LBHD2: variants seen among roughly 807,000 people sequenced by gnomAD.
The protein encoded by LBHD2 is LBH domain containing 2.
At position 103,089,975 on chromosome 14, in the gene LBHD2, C is replaced by A. The variant is rs1344967812; in HGVS notation, c.*178C>A. On this transcript the variant is annotated 3_prime_UTR_variant, in exon 4 of 4. Coordinates refer to ENST00000634353, the MANE Select transcript of LBHD2 (RefSeq NM_001330236.2). ...TTCTGCCCATGGCCCAGGTCTGGAT[C>A]ACACCCCGCTTTGTTCCGTGGTTTG... The A allele has an allele frequency of 2.3e-5, 9 of 396,682 alleles. No homozygotes were observed. Among genetic ancestry groups the A allele is most frequent in the Non-Finnish European group, 3.5e-5 (8 of 225,418 alleles). 24.6% of individuals were successfully genotyped at this position (396,682 alleles called of 1,614,324 possible).
chr14:103,087,695 C>T (rs1449779192), intron 2 of LBHD2, among the ~76,000 whole-genome samples: 1 of 152,188 alleles, frequency 6.6e-6, no homozygotes, highest in African/African-American at 2.4e-5. Flanking sequence ...CAGGGAAGAC[C>T]CCAGGAAGGG....
Position 103,089,744 on chromosome 14 carries a change from G to T in LBHD2, c.274G>T (p.Ala92Ser). The T allele has an allele frequency of 5.0e-6, 2 of 398,682 alleles. No individual in the cohort carries two copies. Among genetic ancestry groups the T allele is most frequent in the South Asian group, 1.3e-4 (1 of 7,868 alleles). The allele number at this position is 398,682 out of a possible 1,614,324, so 24.7% of individuals were successfully genotyped here. A position where few individuals can be genotyped will look rare whatever the true frequency, so the allele number is the denominator to read the frequency against. ...PGEPGKAADN[A>S]GSECACSEDP... ...AGAACCAGGGAAAGCTGCAGATAAC[G>T]CTGGCAGCGAGTGTGCCTGCTCCGA... The change falls in exon 4 of 4, where the codon GCT becomes TCT. Residue 92 changes from alanine to serine, a missense_variant. By Grantham distance (99) the Ala-to-Ser change is moderately conservative. Transcript: ENST00000634353.
At chr14:103,084,763 T>C (rs1889612388) in intron 1 of LBHD2, among the ~76,000 whole-genome samples, 1 of 152,268 alleles carries the variant, frequency 6.6e-6, no homozygotes, top group South Asian at 2.1e-4. Context: ...CAGTCACCTC[T>C]CGCCTGGTCT....
rs79544637 is a variant in LBHD2, at chr14:103,087,189, G to A, written c.70-896G>A. Among the ~76,000 whole-genome samples the A allele has an allele frequency of 2.0e-5, 3 of 152,360 alleles. No homozygotes were observed. The East Asian group carries it at 5.8e-4, about 29-fold the overall frequency. On this transcript the variant is annotated intron_variant, in intron 2 of 3. Transcript: ENST00000634353. ...TCCAGTGACACCTGTTCTCACACTT[G>A]AGGGTCACATATGGTCCGTGGTTAA...
At chr14:103,087,358 A>G (rs945017204) in intron 2 of LBHD2, among the ~76,000 whole-genome samples, 3 of 152,212 alleles carry the variant, frequency 2.0e-5, no homozygotes, top group Admixed American at 1.3e-4. Flanking sequence ...TGGACCCAGC[A>G]GCTTCCCTTC....
intron 3 of LBHD2, among the ~76,000 whole-genome samples, chr14:103,089,423 G>A (rs1410911268): frequency 6.6e-6 from 1 of 152,088 alleles, no homozygotes; most frequent in African/African-American, 2.4e-5. Context: ...GTAACCCCTG[G>A]GACTTGGGCT....
rs1240713951 is a variant in LBHD2 at position 103,089,826 on chromosome 14, T to C, written c.*29T>C. On this transcript the variant is annotated 3_prime_UTR_variant, in exon 4 of 4. Coordinates refer to ENST00000634353, the MANE Select transcript of LBHD2 (RefSeq NM_001330236.2). ...AAGGACGTGGCTGGGCTCTGCTGTC[T>C]GACTGCTGAGGGCCTCTGCCCCAGG... The C allele has an allele frequency of 5.0e-6, 2 of 398,386 alleles. No homozygotes were observed. The highest frequency in any genetic ancestry group is 4.1e-5 in the African/African-American group (2 of 48,616). The allele number at this position is 398,386 out of a possible 1,614,324, so 24.7% of individuals were successfully genotyped here. A position where few individuals can be genotyped will look rare whatever the true frequency, so the allele number is the denominator to read the frequency against.
chr14:103,087,373 T>A (rs1483245990), intron 2 of LBHD2, among the ~76,000 whole-genome samples: 3 of 151,908 alleles, frequency 2.0e-5, no homozygotes, highest in Admixed American at 6.5e-5. Context: ...CCCTTCTAGG[T>A]GGAGAAATGG....
intron 3 of LBHD2, 101 bp downstream of exon 3, chr14:103,088,342 C>T (rs575269817): frequency 2.9e-4 from 115 of 397,998 alleles, no homozygotes; most frequent in Admixed American, 9.7e-4. Flanking sequence ...CAAGGCCTTC[C>T]CGCCTCCTGC....
chr14:103,088,163 G>A lies in LBHD2; in HGVS notation c.148G>A (p.Asp50Asn). 1 of 398,662 alleles carries A rather than the reference G, an allele frequency of 2.5e-6. No individual in the cohort carries two copies. Among genetic ancestry groups the A allele is most frequent in the Non-Finnish European group, 4.4e-6 (1 of 226,084 alleles). The allele number at this position is 398,662 out of a possible 1,614,324, so 24.7% of individuals were successfully genotyped here. ...PSIVVEPSEA[D>N]PVESGELRWP... The stretch of plus-strand genomic sequence containing the variant: ...AATCGTGGTGGAGCCCAGCGAGGCG[G>A]ACCCTGTGGAAAGTGGGGAGCTGCG... The change falls in exon 3 of 4, where the codon GAC (aspartate) becomes AAC (asparagine). Residue 50 changes from aspartate (D) to asparagine (N), a missense_variant. Physicochemically the swap from Asp to Asn is conservative, Grantham distance 23. Coordinates refer to ENST00000634353, the MANE Select transcript of LBHD2 (RefSeq NM_001330236.2).
chr14:103,086,087 C>T lies in LBHD2; in HGVS notation c.69+6C>T, dbSNP rs982265007. The T allele has an allele frequency of 4.1e-5, 16 of 389,880 alleles. 1 individual carries two copies. The highest frequency in any genetic ancestry group is 1.3e-3 in the Middle Eastern group (2 of 1,576). 24.2% of individuals were successfully genotyped at this position (389,880 alleles called of 1,614,324 possible). On this transcript the variant is annotated splice_donor_region_variant and intron_variant, in intron 2 of 3. Coordinates refer to ENST00000634353, the MANE Select transcript of LBHD2 (RefSeq NM_001330236.2). ...CTGGAGGCCCAGAAGGGAAGGTATGCGCTCGGGACCCTGGGGGGGTCGGGA... is the reference window on the plus strand; with the variant it reads ...CTGGAGGCCCAGAAGGGAAGGTATGTGCTCGGGACCCTGGGGGGGTCGGGA...
At chr14:103,086,958 A>G (rs1889643384) in intron 2 of LBHD2, among the ~76,000 whole-genome samples, 1 of 152,234 alleles carries the variant, frequency 6.6e-6, no homozygotes, top group African/African-American at 2.4e-5. Context: ...CGTTCACCCC[A>G]GTGGGCAGAC....
chr14:103,085,220 C>G (rs1889617595), intron 1 of LBHD2, among the ~76,000 whole-genome samples: 1 of 152,208 alleles, frequency 6.6e-6, no homozygotes, highest in African/African-American at 2.4e-5. Flanking sequence ...CCCCTTCCTG[C>G]AGGGCTGCCC....
rs1268623493 is a variant in LBHD2, at chr14:103,088,154, A to G, written c.139A>G (p.Ser47Gly). The G allele has an allele frequency of 3.5e-5, 14 of 398,672 alleles. No homozygotes were observed. Among genetic ancestry groups the G allele is most frequent in the Admixed American group, 2.6e-4 (6 of 22,740 alleles). 24.7% of individuals were successfully genotyped at this position (398,672 alleles called of 1,614,324 possible). The change falls in exon 3 of 4, where the codon AGC (serine) becomes GGC (glycine). Residue 47 changes from serine to glycine, a missense_variant. Transcript: ENST00000634353. ...GCTGCCCTCAATCGTGGTGGAGCCC[A>G]GCGAGGCGGACCCTGTGGAAAGTGG... The part of the protein sequence containing the change: ...QRLPSIVVEP[S>G]EADPVESGEL...
intron 2 of LBHD2, among the ~76,000 whole-genome samples, chr14:103,087,475 GAC>G (rs1889650059): frequency 6.6e-6 from 1 of 152,240 alleles, no homozygotes; most frequent in Admixed American, 6.5e-5. Flanking sequence ...GGCGCTGAGG[GAC>G]AGAGTTCTGC....
chr14:103,089,992 C>T lies in LBHD2; in HGVS notation c.*195C>T, dbSNP rs1490928785. ...GTCTGGATCACACCCCGCTTTGTTC[C>T]GTGGTTTGAAGCAGAAATAAAGGCA... On this transcript the variant is annotated 3_prime_UTR_variant, in exon 4 of 4. Transcript: ENST00000634353. 2.0e-5 allele frequency: 8 copies of T among 395,180 alleles called. No individual in the cohort carries two copies. In the East Asian group the frequency reaches 2.1e-4, roughly 11 times the overall value. The allele number at this position is 395,180 out of a possible 1,614,324, so 24.5% of individuals were successfully genotyped here.
In LBHD2 at chr14:103,086,105, G is replaced by T. The variant is rs528124743; in HGVS notation, c.69+24G>T. ...AGGTATGCGCTCGGGACCCTGGGGG[G>T]GTCGGGAGGGAGCAAGCCTCAAACT... On this transcript the variant is annotated intron_variant, in intron 2 of 3. Coordinates refer to ENST00000634353, the MANE Select transcript of LBHD2 (RefSeq NM_001330236.2). 45 of 391,706 alleles carry T rather than the reference G, an allele frequency of 1.1e-4. No homozygotes were observed. In the East Asian group the frequency reaches 1.4e-3, roughly 12 times the overall value. The allele number at this position is 391,706 out of a possible 1,614,324, so 24.3% of individuals were successfully genotyped here. A position where few individuals can be genotyped will look rare whatever the true frequency, so the allele number is the denominator to read the frequency against.
At chr14:103,086,528 G>A (rs1034758121) in intron 2 of LBHD2, among the ~76,000 whole-genome samples, 1 of 152,030 alleles carries the variant, frequency 6.6e-6, no homozygotes, top group Non-Finnish European at 1.5e-5. Flanking sequence ...CTTTTATAAA[G>A]GTATAATGGA....
intron 2 of LBHD2, 62 bp from the exon 3 acceptor site, chr14:103,088,023 G>A (rs1889657263): frequency 5.3e-5 from 21 of 398,604 alleles, no homozygotes; most frequent in Non-Finnish European, 4.4e-6. Context: ...GCAGGACAGG[G>A]GTAGGGGGGA....
Sources: gnomAD v4.1 joint callset for allele counts (sites outside exome capture counted in the v4.1 genomes callset) on GRCh38, gnomAD v4.1.1 for gene constraint, MANE v1.5 for transcripts, NCBI Gene and HGNC (gene_info 2026-07-23, HGNC 2026-07-21) for gene names.